Variants in CLINT1 observed in about 807,000 individuals in gnomAD.
The protein encoded by CLINT1 is clathrin interactor 1.
CLINT1 carries 15 observed loss-of-function variants against 70.4 expected under a neutral mutation model. That is an observed-to-expected ratio of 0.21 (90% CI 0.14 to 0.33). CLINT1 has a LOEUF of 0.33. Ranked by LOEUF, CLINT1 falls within the 10% of genes least tolerant of loss-of-function variation. The probability of loss-of-function intolerance (pLI) is 1.00; values close to 1 mark genes in which losing one functional copy is unlikely to be tolerated. For missense variants in CLINT1, 615 were observed against 778.1 expected (o/e 0.79, Z 2.49); for synonymous variants, 227 against 254.7 (o/e 0.89, Z 1.04).
intron 1 of CLINT1, among the ~76,000 whole-genome samples, chr5:157,844,934 T>A (rs1753317054): frequency 6.6e-6 from 1 of 152,208 alleles, no homozygotes. Flanking sequence ...TCCCTCTCAT[T>A]AAGGGTCACC....
chr5:157,843,841 T>G (rs946160229), intron 1 of CLINT1, among the ~76,000 whole-genome samples: 12 of 152,222 alleles, frequency 7.9e-5, no homozygotes, highest in African/African-American at 2.9e-4. Context: ...TGGCACAATA[T>G]GTGAAAATTA....
intron 2 of CLINT1, 45 bp downstream of exon 2, chr5:157,817,398 A>C: frequency 8.4e-7 from 1 of 1,190,168 alleles, no homozygotes; most frequent in Non-Finnish European, 1.2e-6. Flanking sequence ...CTGTGTTAAG[A>C]TGCTTTGATT....
chr5:157,841,614 T>C (rs956540482), intron 1 of CLINT1, among the ~76,000 whole-genome samples: 1 of 152,172 alleles, frequency 6.6e-6, no homozygotes, highest in Non-Finnish European at 1.5e-5. Flanking sequence ...CTTTTCATTC[T>C]GAGCCATCAT....
rs964140227 is a variant in CLINT1, at chr5:157,831,393, T to C, written c.42-13846A>G. Among the ~76,000 whole-genome samples, 4 of 152,136 alleles carry C rather than the reference T, an allele frequency of 2.6e-5. No homozygotes were observed. In the East Asian group the frequency reaches 5.8e-4, roughly 22 times the overall value. ...TTTCAGTAAAGACAAGGTTTCACCA[T>C]GTTGGCTAGGCTGGTCTCAAACTCT... On this transcript the variant is annotated intron_variant, in intron 1 of 11. Coordinates refer to ENST00000411809, the MANE Select transcript of CLINT1 (RefSeq NM_014666.4).
chr5:157,797,646 A>C (rs748696720), intron 8 of CLINT1, among the ~76,000 whole-genome samples: 1 of 152,132 alleles, frequency 6.6e-6, no homozygotes, highest in Non-Finnish European at 1.5e-5. Context: ...TCAGCCTCCC[A>C]AAGTGCTGGG....
intron 8 of CLINT1, among the ~76,000 whole-genome samples, chr5:157,799,946 T>C (rs1762164245): frequency 6.6e-6 from 1 of 152,166 alleles, no homozygotes; most frequent in African/African-American, 2.4e-5. Context: ...AATATAGTAT[T>C]GTATATGGGA....
rs565116796 is a variant in CLINT1, at chr5:157,821,552, A to G, written c.42-4005T>C. Among the ~76,000 whole-genome samples the G allele has an allele frequency of 4.6e-5, 7 of 152,364 alleles. No homozygotes were observed. In the East Asian group the frequency reaches 1.3e-3, roughly 29 times the overall value. On this transcript the variant is annotated intron_variant, in intron 1 of 11. Transcript: ENST00000411809. ...CAGAACAATCTAATAGTCACCAGAA[A>G]GTACAAAATGAGCCCTTCTCACATG...
chr5:157,816,459 AGATTC>A (rs1266253394), intron 3 of CLINT1, among the ~76,000 whole-genome samples: 1 of 152,192 alleles, frequency 6.6e-6, no homozygotes, highest in East Asian at 1.9e-4. Context: ...ACTCTACTAT[AGATTC>A]ATTATTTTTG....
chr5:157,858,699 A>G (rs1282458339), intron 1 of CLINT1, among the ~76,000 whole-genome samples: 1 of 152,200 alleles, frequency 6.6e-6, no homozygotes, highest in Non-Finnish European at 1.5e-5. Context: ...AGGCCTGGAA[A>G]GGAGAGAAGG....
intron 1 of CLINT1, among the ~76,000 whole-genome samples, chr5:157,828,271 G>C (rs1763100964): frequency 6.6e-6 from 1 of 152,168 alleles, no homozygotes. Flanking sequence ...CAGTAAGACT[G>C]CTGGAGGGGC....
chr5:157,822,185 T>C (rs1480366518), intron 1 of CLINT1, among the ~76,000 whole-genome samples: 2 of 151,880 alleles, frequency 1.3e-5, no homozygotes, highest in Non-Finnish European at 2.9e-5. Flanking sequence ...CTAGTGGTAG[T>C]GAGTAAGTCT....
intron 6 of CLINT1, among the ~76,000 whole-genome samples, chr5:157,808,216 T>C (rs1252561982): frequency 1.3e-5 from 2 of 152,078 alleles, no homozygotes; most frequent in Non-Finnish European, 2.9e-5. Context: ...TTATTGAAAT[T>C]ATGGCCATTA....
intron 1 of CLINT1, among the ~76,000 whole-genome samples, chr5:157,821,761 A>G (rs910029421): frequency 6.6e-6 from 1 of 152,230 alleles, no homozygotes; most frequent in Non-Finnish European, 1.5e-5. Context: ...GGCTAACAAT[A>G]CCAAATCTTA....
intron 1 of CLINT1, among the ~76,000 whole-genome samples, chr5:157,819,215 T>C (rs550757706): frequency 1.3e-5 from 2 of 152,184 alleles, no homozygotes; most frequent in Non-Finnish European, 2.9e-5. Context: ...TGCATTTAAG[T>C]GTGACTTGCC....
chr5:157,831,009 A>G (rs1763225494), intron 1 of CLINT1, among the ~76,000 whole-genome samples: 1 of 151,472 alleles, frequency 6.6e-6, no homozygotes, highest in East Asian at 1.9e-4. Context: ...GTGCCACTAC[A>G]CTCCAGACTA....
At chr5:157,792,129 G>A in intron 9 of CLINT1, 134 bp from the exon 10 acceptor site, 1 of 702,818 alleles carries the variant, frequency 1.4e-6, no homozygotes, top group South Asian at 1.9e-5. Context: ...ATCTCCATCT[G>A]GACAGTATTC....
intron 1 of CLINT1, among the ~76,000 whole-genome samples, chr5:157,840,629 C>A (rs191005704): frequency 2.7e-3 from 401 of 149,120 alleles, no homozygotes; most frequent in African/African-American, 9.5e-3. Context: ...TGGGGGAGGG[C>A]GAATGACAAG....
At chr5:157,829,413 A>G in intron 1 of CLINT1, among the ~76,000 whole-genome samples, 1 of 152,230 alleles carries the variant, frequency 6.6e-6, no homozygotes, top group East Asian at 1.9e-4. Flanking sequence ...GCTATGTCAA[A>G]AAAGGGTTCC....
At position 157,806,198 on chromosome 5, in the gene CLINT1, A is replaced by G. The variant is rs1001751650; in HGVS notation, c.696-86T>C. 2.2e-6 allele frequency: 3 copies of G among 1,376,816 alleles called. No individual in the cohort carries two copies. The African/African-American group carries it at 4.4e-5, about 20-fold the overall frequency. The allele number at this position is 1,376,816 out of a possible 1,614,324, so 85.3% of individuals were successfully genotyped here. On this transcript the variant is annotated intron_variant, in intron 6 of 11. Coordinates refer to ENST00000411809, the MANE Select transcript of CLINT1 (RefSeq NM_014666.4). ...CAGTGATTTGAGCTAAAGAATTTCA[A>G]ATACAGTAACTCCAAAATTTCATAC...
Sources: allele counts gnomAD v4.1 joint callset (sites outside exome capture counted in the v4.1 genomes callset), GRCh38; gene constraint gnomAD v4.1.1; transcripts MANE v1.5; gene names NCBI Gene and HGNC (gene_info 2026-07-23, HGNC 2026-07-21).